DNAH17: variants seen among roughly 807,000 people sequenced by gnomAD.
DNAH17 encodes dynein axonemal heavy chain 17.
DNAH17 carries 376 observed loss-of-function variants against 485.6 expected under a neutral mutation model. The observed-to-expected ratio is 0.77, with a 90% CI of 0.71 to 0.84. The LOEUF (loss-of-function observed/expected upper bound fraction) is 0.84, where lower values mean the gene tolerates loss of function less well. Among genes scored for constraint, DNAH17 ranks in the 40% least tolerant of loss-of-function variants. The pLI is 0.00. For missense variants in DNAH17, 6,370 were observed against 5,839.3 expected (o/e 1.09, Z -2.96); for synonymous variants, 3,031 against 2,405.9 (o/e 1.26, Z -7.60).
intron 70 of DNAH17, 54 bp from the exon 71 acceptor site, chr17:78,444,851 G>A (rs2087214652): frequency 2.0e-6 from 3 of 1,510,244 alleles, no homozygotes. Flanking sequence ...CGGGTCCCGA[G>A]AGCCTTCCTG....
At chr17:78,537,625 G>T in intron 18 of DNAH17, 144 bp from the exon 19 acceptor site, 2 of 993,268 alleles carry the variant, frequency 2.0e-6, no homozygotes, top group Non-Finnish European at 3.0e-6. Context: ...GTGTCTCAGC[G>T]CACCCCGCTC....
chr17:78,425,356 G>A lies in DNAH17; in HGVS notation c.13131C>T (p.Leu4377=). ...AAGAGCCCTCCTTACCTTCCATGAA[G>A]AGTCCGTACACGTAGGAGCCCTCTC... is the stretch of plus-strand genomic sequence containing the variant. ...PPREGSYVYG[L]FMEGARWDTQ... The change falls in exon 80 of 81, where the codon CTC becomes CTT. Residue 4377 remains leucine (L), a synonymous_variant. Transcript: ENST00000389840. The A allele has an allele frequency of 6.2e-7, 1 of 1,613,868 alleles. No homozygotes were observed. The highest frequency in any genetic ancestry group is 2.2e-5 in the East Asian group (1 of 44,882).
At chr17:78,494,233 G>A in intron 40 of DNAH17, 60 bp from the exon 41 acceptor site, 3 of 1,566,442 alleles carry the variant, frequency 1.9e-6, no homozygotes, top group East Asian at 4.5e-5. Context: ...TCTTCTCGCT[G>A]GGAGGCTGGG....
rs745719094 is a variant in DNAH17, at chr17:78,437,708, T to C, written c.11966A>G (p.Lys3989Arg). Reference protein sequence around the residue: ...IPQGILENAIKITNEPPTGMH... With the variant: ...IPQGILENAIRITNEPPTGMH... Reference sequence around the variant, plus strand: ...GCCCGTGGGGGGCTCGTTGGTGATCTTGATGGCGTTCTCCAGAATGCCCTG... The same window carrying C: ...GCCCGTGGGGGGCTCGTTGGTGATCCTGATGGCGTTCTCCAGAATGCCCTG... Residue 3989 changes from lysine (K) to arginine (R), a missense_variant, in exon 74 of 81, where the codon AAG (lysine) becomes AGG (arginine). Coordinates refer to ENST00000389840, the MANE Select transcript of DNAH17 (RefSeq NM_173628.4). 8 of 1,612,500 alleles carry C rather than the reference T, an allele frequency of 5.0e-6. No individual in the cohort carries two copies. The highest frequency in any genetic ancestry group is 1.7e-5 in the Admixed American group (1 of 59,976).
chr17:78,486,358 G>C lies in DNAH17; in HGVS notation c.6967C>G (p.Gln2323Glu). ...ITPVPEITVI[Q>E]TILYLLECLL... Reference sequence around the variant, plus strand: ...CACTCCAGCAGGTACAGAATCGTTTGGATCACCGTGATCTCCGGCACTGGC... The same window carrying C: ...CACTCCAGCAGGTACAGAATCGTTTCGATCACCGTGATCTCCGGCACTGGC... The change falls in exon 45 of 81, where the codon CAA becomes GAA. Residue 2323 changes from glutamine (Q) to glutamate (E), a missense_variant. By Grantham distance (29) the Gln-to-Glu change is conservative. Coordinates refer to ENST00000389840, the MANE Select transcript of DNAH17 (RefSeq NM_173628.4). 6.2e-7 allele frequency: 1 copy of C among 1,613,884 alleles called. No homozygotes were observed. The highest frequency in any genetic ancestry group is 8.5e-7 in the Non-Finnish European group (1 of 1,179,856).
chr17:78,437,554 G>C (rs193296074), intron 74 of DNAH17, 87 bp downstream of exon 74: 54 of 976,268 alleles, frequency 5.5e-5, no homozygotes, highest in Non-Finnish European at 7.6e-5. Context: ...AGTTCAGAGC[G>C]GTCCTCAGTG....
At chr17:78,513,412 A>G (rs529859704) in intron 26 of DNAH17, among the ~76,000 whole-genome samples, 31 of 152,314 alleles carry the variant, frequency 2.0e-4, no homozygotes, top group Middle Eastern at 3.4e-3. Flanking sequence ...TGCATTCTGT[A>G]GAGAATCCCC....
Position 78,539,895 on chromosome 17 carries a change from G to C in DNAH17, c.2533-15C>G. On this transcript the variant is annotated splice_polypyrimidine_tract_variant and intron_variant, in intron 17 of 80. Coordinates refer to ENST00000389840, the MANE Select transcript of DNAH17 (RefSeq NM_173628.4). ...TCTGCGTTTTCCTGCAAACAGAAGC[G>C]CACAGTTGGGCCTCACTTCACTGGC... The C allele has an allele frequency of 2.6e-6, 4 of 1,555,746 alleles. No homozygotes were observed. Among genetic ancestry groups the C allele is most frequent in the Non-Finnish European group, 3.5e-6 (4 of 1,153,050 alleles).
chr17:78,449,948 T>C (rs1598467673), intron 68 of DNAH17: 1 of 477,002 alleles, frequency 2.1e-6, no homozygotes, highest in South Asian at 2.7e-5. Context: ...AGTGCTGAGA[T>C]GACAGGCATG....
chr17:78,479,888 G>A (rs187846334), intron 49 of DNAH17, among the ~76,000 whole-genome samples: 67 of 152,262 alleles, frequency 4.4e-4, no homozygotes, highest in Admixed American at 4.3e-3. Context: ...TCAGAGTACA[G>A]GCCTGGGTTT....
Position 78,501,166 on chromosome 17 carries a change from C to T in DNAH17, c.5483+18G>A, listed in dbSNP as rs747600560. The T allele has an allele frequency of 1.9e-6, 3 of 1,563,370 alleles. No homozygotes were observed. The highest frequency in any genetic ancestry group is 1.7e-6 in the Non-Finnish European group (2 of 1,144,920). ...ACCCACCAAGAGCACATGTGAGTTACTCAGGGACGGGCCTCACCTGTCAGT... is the reference window on the plus strand; with the variant it reads ...ACCCACCAAGAGCACATGTGAGTTATTCAGGGACGGGCCTCACCTGTCAGT... On this transcript the variant is annotated intron_variant, in intron 35 of 80. Coordinates refer to ENST00000389840, the MANE Select transcript of DNAH17 (RefSeq NM_173628.4).
At chr17:78,570,583 G>T (rs1343585283) in intron 6 of DNAH17, among the ~76,000 whole-genome samples, 1 of 152,058 alleles carries the variant, frequency 6.6e-6, no homozygotes. Context: ...ACCCAGGCCG[G>T]GCGTGGTGGC....
In DNAH17 at chr17:78,439,183, T is replaced by C. The variant is rs1466724664; in HGVS notation, c.11712A>G (p.Lys3904=). 2 of 1,612,824 alleles carry C rather than the reference T, an allele frequency of 1.2e-6. No individual in the cohort carries two copies. The highest frequency in any genetic ancestry group is 1.7e-6 in the Non-Finnish European group (2 of 1,179,612). The change falls in exon 73 of 81, where the codon AAA becomes AAG. Residue 3904 remains lysine (K), a synonymous_variant. Coordinates refer to ENST00000389840, the MANE Select transcript of DNAH17 (RefSeq NM_173628.4). ...CCTGCCCCAGGGACACATTATGGAG[T>C]TTTCCATTGTCTATGGTAAACCCTA... ...KKLGFTIDNG[K]LHNVSLGQGQ...
intron 17 of DNAH17, among the ~76,000 whole-genome samples, chr17:78,542,384 G>A (rs892302619): frequency 1.3e-5 from 2 of 152,088 alleles, no homozygotes; most frequent in African/African-American, 4.8e-5. Flanking sequence ...CTGACGTCAA[G>A]TGATCCACCC....
intron 24 of DNAH17, among the ~76,000 whole-genome samples, chr17:78,525,634 G>T (rs571609211): frequency 6.6e-6 from 1 of 152,232 alleles, no homozygotes; most frequent in Admixed American, 6.5e-5. Context: ...GCGTGGACAC[G>T]TAACAGGCAG....
intron 26 of DNAH17, 21 bp downstream of exon 26, chr17:78,514,753 G>A (rs756385848): frequency 4.7e-5 from 75 of 1,610,042 alleles, no homozygotes; most frequent in Admixed American, 4.5e-4. Context: ...GGTCCCCTCC[G>A]CCCACCATGG....
chr17:78,493,810 G>A (rs563758761), intron 41 of DNAH17, among the ~76,000 whole-genome samples: 104 of 152,352 alleles, frequency 6.8e-4, no homozygotes, highest in African/African-American at 2.4e-3. Context: ...GGAGGAACAG[G>A]GAGGGAGGCC....
intron 47 of DNAH17, 100 bp downstream of exon 47, chr17:78,485,450 T>G: frequency 8.6e-7 from 1 of 1,158,166 alleles, no homozygotes; most frequent in Non-Finnish European, 1.2e-6. Context: ...AGGTGCAAAG[T>G]GGCTAGTGAG....
At chr17:78,500,183 C>T in intron 36 of DNAH17, 122 bp downstream of exon 36, 1 of 1,142,210 alleles carries the variant, frequency 8.8e-7, no homozygotes, top group Non-Finnish European at 1.2e-6. Context: ...ACCTCCTCTC[C>T]AGTGCCATTC....
Sources: gnomAD v4.1 joint callset for allele counts (sites outside exome capture counted in the v4.1 genomes callset) on GRCh38, gnomAD v4.1.1 for gene constraint, MANE v1.5 for transcripts, NCBI Gene and HGNC (gene_info 2026-07-23, HGNC 2026-07-21) for gene names.